SLC8A3: variants seen among roughly 807,000 people sequenced by gnomAD.
The protein encoded by SLC8A3 is solute carrier family 8 member A3.
SLC8A3 carries 37 observed loss-of-function variants against 65.4 expected under a neutral mutation model. That is an observed-to-expected ratio of 0.57 (90% CI 0.44 to 0.74). The LOEUF (loss-of-function observed/expected upper bound fraction) is 0.74. SLC8A3 is among the 30% of genes least tolerant of loss of function. The probability of loss-of-function intolerance (pLI) is 0.00; values close to 1 mark genes in which losing one functional copy is unlikely to be tolerated. For missense variants in SLC8A3, 1,112 were observed against 1,172.1 expected (o/e 0.95, Z 0.75); for synonymous variants, 461 against 444.5 (o/e 1.04, Z -0.47).
Position 70,113,907 on chromosome 14 carries a change from A to ATT in SLC8A3, c.1784+52730_1784+52731dup, listed in dbSNP as rs57719661. On this transcript the variant is annotated intron_variant, in intron 2 of 6. Coordinates refer to ENST00000356921, the MANE Select transcript of SLC8A3 (RefSeq NM_182932.3). Reference sequence around the variant, plus strand: ...CTAACCTGACAGTAGCCTAGGGGACATTTTTTTTTCCTGATGTTCCCAGGT... The same window carrying ATT: ...CTAACCTGACAGTAGCCTAGGGGACATTTTTTTTTTTCCTGATGTTCCCAGGT... Among the ~76,000 whole-genome samples, 324 of 151,344 alleles carry ATT rather than the reference A, an allele frequency of 2.1e-3. 1 individual carries two copies. Among genetic ancestry groups the ATT allele is most frequent in the African/African-American group, 6.7e-3 (276 of 41,318 alleles).
intron 1 of SLC8A3, among the ~76,000 whole-genome samples, chr14:70,184,952 C>G (rs1388513337): frequency 7.2e-6 from 1 of 139,704 alleles, no homozygotes; most frequent in Admixed American, 7.9e-5. Context: ...TTATTCCTTT[C>G]TTTTTTTTCT....
At chr14:70,178,517 A>G (rs1003599890) in intron 1 of SLC8A3, among the ~76,000 whole-genome samples, 1 of 152,240 alleles carries the variant, frequency 6.6e-6, no homozygotes, top group Non-Finnish European at 1.5e-5. Flanking sequence ...AAATGAACCC[A>G]TGGAACATAT....
intron 2 of SLC8A3, among the ~76,000 whole-genome samples, chr14:70,151,240 C>T (rs907548059): frequency 9.7e-5 from 14 of 144,874 alleles, no homozygotes; most frequent in Middle Eastern, 3.2e-3. Flanking sequence ...GGCGACAGTG[C>T]GAGACTCCGC....
chr14:70,188,809 G>C lies in SLC8A3; in HGVS notation c.-493C>G, dbSNP rs534634684. On this transcript the variant is annotated 5_prime_UTR_variant, in exon 1 of 7. Transcript: ENST00000356921. Reference sequence around the variant, plus strand: ...GGCAAGCAGCCCGGCGCGCCCTGGCGGCTCCGAGGGACCTGGGCTCGGGCT... The same window carrying C: ...GGCAAGCAGCCCGGCGCGCCCTGGCCGCTCCGAGGGACCTGGGCTCGGGCT... 6.6e-6 allele frequency: 1 copy of C among 152,192 alleles called. No individual in the cohort carries two copies. The highest frequency in any genetic ancestry group is 2.1e-4 in the South Asian group (1 of 4,826). 9.4% of individuals were successfully genotyped at this position (152,192 alleles called of 1,614,324 possible).
In SLC8A3 at chr14:70,050,963, G is replaced by T. The variant is rs377586910; in HGVS notation, c.2113+45C>A. The stretch of plus-strand genomic sequence containing the variant: ...CGTGGCTTTACGCTTCCTTCTCAGA[G>T]GTTGCCTGCTTCTCCCAGCAAGGCC... On this transcript the variant is annotated intron_variant, in intron 5 of 6. Coordinates refer to ENST00000356921, the MANE Select transcript of SLC8A3 (RefSeq NM_182932.3). The T allele has an allele frequency of 1.0e-5, 13 of 1,261,624 alleles. 1 individual carries two copies. Among genetic ancestry groups the T allele is most frequent in the South Asian group, 6.0e-5 (5 of 83,688 alleles). 78.2% of individuals were successfully genotyped at this position (1,261,624 alleles called of 1,614,324 possible).
intron 2 of SLC8A3, among the ~76,000 whole-genome samples, chr14:70,124,237 A>C (rs1894283860): frequency 6.6e-6 from 1 of 152,248 alleles, no homozygotes; most frequent in Non-Finnish European, 1.5e-5. Flanking sequence ...GGTTTCTCCC[A>C]GGGTGAAATG....
At chr14:70,142,682 G>C (rs117891493) in intron 2 of SLC8A3, among the ~76,000 whole-genome samples, 3 of 152,184 alleles carry the variant, frequency 2.0e-5, no homozygotes, top group Non-Finnish European at 4.4e-5. Context: ...ATTTCTGAGG[G>C]AACCTCCTCT....
intron 2 of SLC8A3, among the ~76,000 whole-genome samples, chr14:70,155,262 ATT>A (rs58308093): frequency 1.1e-3 from 170 of 151,168 alleles, no homozygotes; most frequent in African/African-American, 4.0e-3. Flanking sequence ...AATCCTGTCT[ATT>A]TTTTTTTAAA....
intron 2 of SLC8A3, among the ~76,000 whole-genome samples, chr14:70,130,405 C>A (rs1006068871): frequency 6.6e-6 from 1 of 152,150 alleles, no homozygotes; most frequent in Non-Finnish European, 1.5e-5. Flanking sequence ...TGTGCATGCA[C>A]GTGTGTGTGC....
At chr14:70,103,745 A>G (rs779644405) in intron 2 of SLC8A3, among the ~76,000 whole-genome samples, 4 of 152,088 alleles carry the variant, frequency 2.6e-5, no homozygotes, top group Non-Finnish European at 4.4e-5. Context: ...AGGAACAACA[A>G]CAAAAGATGG....
chr14:70,082,943 C>T (rs938667179), intron 2 of SLC8A3, among the ~76,000 whole-genome samples: 5 of 152,048 alleles, frequency 3.3e-5, no homozygotes, highest in African/African-American at 9.7e-5. Flanking sequence ...TTTCATATCC[C>T]GGCAATTTTT....
At position 70,168,047 on chromosome 14, in the gene SLC8A3, T is replaced by C. The variant is rs545903398; in HGVS notation, c.376A>G (p.Ile126Val). Reference protein sequence around the residue: ...KPNGETSTTTIRVWNETVSNL... With the variant: ...KPNGETSTTTVRVWNETVSNL... ...GAGACAGTTTCATTCCAGACCCGAA[T>C]AGTGGTTGTGCTGGTTTCTCCATTG... Residue 126 changes from isoleucine (I) to valine (V), a missense_variant, in exon 2 of 7, where the codon ATT becomes GTT. Physicochemically the swap from Ile to Val is conservative, Grantham distance 29. Coordinates refer to ENST00000356921, the MANE Select transcript of SLC8A3 (RefSeq NM_182932.3). 5 of 1,614,058 alleles carry C rather than the reference T, an allele frequency of 3.1e-6. No homozygotes were observed. Among genetic ancestry groups the C allele is most frequent in the African/African-American group, 2.7e-5 (2 of 75,008 alleles).
intron 4 of SLC8A3, among the ~76,000 whole-genome samples, chr14:70,051,752 T>C (rs536753657): frequency 3.9e-5 from 6 of 152,358 alleles, no homozygotes; most frequent in Non-Finnish European, 8.8e-5. Context: ...CTCAGGACTT[T>C]CTAGTCCACT....
At chr14:70,063,139 C>T (rs986561802) in intron 2 of SLC8A3, among the ~76,000 whole-genome samples, 1 of 152,154 alleles carries the variant, frequency 6.6e-6, no homozygotes, top group African/African-American at 2.4e-5. Context: ...TAACTCTCTG[C>T]CTCCACACCT....
At chr14:70,078,087 T>G (rs757098520) in intron 2 of SLC8A3, among the ~76,000 whole-genome samples, 6 of 152,238 alleles carry the variant, frequency 3.9e-5, no homozygotes, top group Non-Finnish European at 7.3e-5. Flanking sequence ...TTTGTTTATA[T>G]GGCACATCTC....
chr14:70,178,271 C>T (rs1391077673), intron 1 of SLC8A3, among the ~76,000 whole-genome samples: 3 of 152,208 alleles, frequency 2.0e-5, no homozygotes, highest in Admixed American at 2.0e-4. Flanking sequence ...TAGAGTGTTC[C>T]TCAGTCTAGT....
chr14:70,121,728 T>C (rs747903887), intron 2 of SLC8A3, among the ~76,000 whole-genome samples: 4 of 152,192 alleles, frequency 2.6e-5, no homozygotes, highest in Non-Finnish European at 5.9e-5. Context: ...GGAACAACTC[T>C]GCAATGCTAA....
chr14:70,155,449 TC>T (rs1896522677), intron 2 of SLC8A3, among the ~76,000 whole-genome samples: 1 of 152,194 alleles, frequency 6.6e-6, no homozygotes, highest in African/African-American at 2.4e-5. Flanking sequence ...TATTTTTAGC[TC>T]CCACATATGA....
intron 2 of SLC8A3, among the ~76,000 whole-genome samples, chr14:70,147,769 A>G (rs1441714674): frequency 6.6e-6 from 1 of 152,240 alleles, no homozygotes; most frequent in Non-Finnish European, 1.5e-5. Context: ...ATAAGACAGC[A>G]GCCCCAGCTA....
Sources: allele counts gnomAD v4.1 joint callset (sites outside exome capture counted in the v4.1 genomes callset), GRCh38; gene constraint gnomAD v4.1.1; transcripts MANE v1.5; gene names NCBI Gene and HGNC (gene_info 2026-07-23, HGNC 2026-07-21).